The following INSC variants were observed in gnomAD, a reference collection of about 807,000 sequenced individuals.
INSC encodes protein inscuteable homolog.
A neutral mutation model predicts 58.6 loss-of-function variants in INSC; 67 were observed. The observed-to-expected ratio is 1.14, with a 90% CI of 0.94 to 1.40. INSC has a LOEUF of 1.40. INSC is among the 40% of genes most tolerant of loss of function. The pLI is 0.00. For synonymous variants in INSC, 262 were observed against 276.1 expected, an observed-to-expected ratio of 0.95 and a Z score of 0.51; for missense variants, 714 against 692.0, an observed-to-expected ratio of 1.03 and a Z score of -0.36.
intron 1 of INSC, among the ~76,000 whole-genome samples, chr11:15,147,511 A>T (rs541838895): frequency 6.6e-6 from 1 of 152,316 alleles, no homozygotes; most frequent in African/African-American, 2.4e-5. Context: ...TCATCCTTAT[A>T]CTAGCTCTTT....
At chr11:15,235,920 G>A (rs1852108716) in intron 10 of INSC, among the ~76,000 whole-genome samples, 1 of 151,984 alleles carries the variant, frequency 6.6e-6, no homozygotes, top group African/African-American at 2.4e-5. Flanking sequence ...GCTGGGTGTG[G>A]TGGTGGGCGC....
intron 2 of INSC, among the ~76,000 whole-genome samples, chr11:15,173,163 T>C (rs893890963): frequency 2.0e-5 from 3 of 152,142 alleles, no homozygotes; most frequent in East Asian, 1.9e-4. Context: ...ATATACGCAA[T>C]ATGGAATAGT....
intron 8 of INSC, among the ~76,000 whole-genome samples, chr11:15,225,325 G>C (rs1176635833): frequency 6.6e-6 from 1 of 152,150 alleles, no homozygotes; most frequent in Admixed American, 6.5e-5. Flanking sequence ...CACTAGTAAA[G>C]TGTGAGCTCA....
chr11:15,237,378 TC>T (rs1266223764), intron 10 of INSC, among the ~76,000 whole-genome samples: 1 of 152,226 alleles, frequency 6.6e-6, no homozygotes, highest in Non-Finnish European at 1.5e-5. Context: ...CTCTGTTTTT[TC>T]ATCTGCAAAA....
chr11:15,251,473 T>A (rs1171927315), downstream of INSC, among the ~76,000 whole-genome samples: 1 of 152,172 alleles, frequency 6.6e-6, no homozygotes, highest in Non-Finnish European at 1.5e-5. Flanking sequence ...AAAAGGCAAC[T>A]CATGGAATAG....
chr11:15,126,527 C>A (rs904938723), intron 1 of INSC, among the ~76,000 whole-genome samples: 2 of 152,186 alleles, frequency 1.3e-5, no homozygotes, highest in Admixed American at 6.5e-5. Flanking sequence ...AGATTCAGAG[C>A]AGGAGCTCAT....
chr11:15,114,167 A>G (rs563487609), upstream of INSC, among the ~76,000 whole-genome samples: 138 of 146,656 alleles, frequency 9.4e-4, no homozygotes, highest in African/African-American at 2.9e-3. Flanking sequence ...GCTTTCTTCC[A>G]GGTCAAAAAT....
chr11:15,202,625 T>C (rs1251866141), intron 7 of INSC, among the ~76,000 whole-genome samples: 1 of 152,130 alleles, frequency 6.6e-6, no homozygotes, highest in African/African-American at 2.4e-5. Flanking sequence ...AACGACCAAA[T>C]GGGGTTTGTT....
intron 12 of INSC, among the ~76,000 whole-genome samples, chr11:15,243,640 G>A (rs773999423): frequency 6.6e-6 from 1 of 152,118 alleles, no homozygotes. Flanking sequence ...GGAGGTAAGG[G>A]TGTCTCTTCT....
At chr11:15,136,764 T>C (rs1848254738) in intron 1 of INSC, among the ~76,000 whole-genome samples, 1 of 152,200 alleles carries the variant, frequency 6.6e-6, no homozygotes, top group Admixed American at 6.5e-5. Context: ...CTTCCACCAC[T>C]GAAGTTTTGA....
Position 15,149,013 on chromosome 11 carries a change from G to C in INSC, c.-45-117G>C, listed in dbSNP as rs917421497. The C allele has an allele frequency of 2.3e-5, 29 of 1,238,034 alleles. No homozygotes were observed. The African/African-American group carries it at 4.3e-4, about 18-fold the overall frequency. The allele number at this position is 1,238,034 out of a possible 1,614,324, so 76.7% of individuals were successfully genotyped here. A position where few individuals can be genotyped will look rare whatever the true frequency, so the allele number is the denominator to read the frequency against. On this transcript the variant is annotated intron_variant, in intron 1 of 12. Coordinates refer to ENST00000379556, the MANE Select transcript of INSC (RefSeq NM_001042536.3). ...TAAACTGGTTCAACAGAAGAAGAGG[G>C]CTAAGAAGTCTTACCTCTTTGTCTG...
intron 7 of INSC, among the ~76,000 whole-genome samples, chr11:15,204,823 C>A (rs1388967854): frequency 6.6e-6 from 1 of 152,204 alleles, no homozygotes; most frequent in Admixed American, 6.5e-5. Flanking sequence ...CAGTGGGAAA[C>A]GTGCTGGATT....
chr11:15,185,903 G>A (rs1849948018), intron 5 of INSC, among the ~76,000 whole-genome samples: 1 of 152,146 alleles, frequency 6.6e-6, no homozygotes, highest in Middle Eastern at 3.4e-3. Context: ...TGTGCAAGGG[G>A]TCATATATTT....
intron 2 of INSC, among the ~76,000 whole-genome samples, chr11:15,167,213 C>A (rs949359058): frequency 5.3e-5 from 8 of 151,788 alleles, no homozygotes; most frequent in African/African-American, 1.7e-4. Flanking sequence ...TGGGGGTTCT[C>A]GAGCAGCCAA....
chr11:15,158,746 G>A (rs1034021162), intron 2 of INSC, among the ~76,000 whole-genome samples: 14 of 152,040 alleles, frequency 9.2e-5, no homozygotes, highest in African/African-American at 3.4e-4. Context: ...TCACATGGCT[G>A]TGGGCAGGCT....
intron 7 of INSC, among the ~76,000 whole-genome samples, chr11:15,218,581 T>C (rs1851314501): frequency 6.6e-6 from 1 of 152,138 alleles, no homozygotes; most frequent in South Asian, 2.1e-4. Context: ...TATATGTACA[T>C]ATATATATTT....
intron 2 of INSC, among the ~76,000 whole-genome samples, chr11:15,149,836 C>A (rs1590364005): frequency 6.6e-6 from 1 of 152,154 alleles, no homozygotes; most frequent in East Asian, 1.9e-4. Flanking sequence ...GAGCCTGAAC[C>A]CTCTCTCTCT....
rs61745094 is a variant in INSC at position 15,176,084 on chromosome 11, G to C, written c.400G>C (p.Glu134Gln). ...CAGGAACTCCTTGAAGGAAATGGGC[G>C]AGGTCAGCTGCCCTGGGATAGGAGT... ...VSRNSLKEMG[E>Q]IEKLLMEKCS... The change falls in exon 3 of 13, where the codon GAG becomes CAG. Residue 134 changes from glutamate to glutamine, a missense_variant and splice_region_variant. Glu to Gln is a conservative substitution (Grantham distance 29). Transcript: ENST00000379556. 2.1e-4 allele frequency: 313 copies of C among 1,511,906 alleles called. 1 individual carries two copies. The African/African-American group carries it at 4.1e-3, about 20-fold the overall frequency. 93.7% of individuals were successfully genotyped at this position (1,511,906 alleles called of 1,614,324 possible).
chr11:15,229,990 TATATATATATATATA>T (rs1851833351), intron 9 of INSC, among the ~76,000 whole-genome samples: 2 of 27,644 alleles, frequency 7.2e-5, no homozygotes, highest in African/African-American at 3.1e-4. Context: ...TATATATATA[TATATATATATATATA>T]TATATATAAT....
Sources: allele counts gnomAD v4.1 joint callset (sites outside exome capture counted in the v4.1 genomes callset), GRCh38; gene constraint gnomAD v4.1.1; transcripts MANE v1.5; gene names NCBI Gene and HGNC (gene_info 2026-07-23, HGNC 2026-07-21).